The following WWC1 variants were observed in gnomAD, a reference collection of about 807,000 sequenced individuals.
The protein encoded by WWC1 is WW and C2 domain containing 1.
A neutral mutation model predicts 138.4 loss-of-function variants in WWC1; 55 were observed. The ratio of observed to expected loss-of-function variants is 0.40; its 90% CI spans 0.32 to 0.50. The LOEUF is 0.50. Among genes scored for constraint, WWC1 ranks in the 20% least tolerant of loss-of-function variants. The probability of loss-of-function intolerance (pLI) is 0.72; values close to 1 mark genes in which losing one functional copy is unlikely to be tolerated. For missense variants in WWC1, 1,226 were observed against 1,420.4 expected, an observed-to-expected ratio of 0.86 and a Z score of 2.20; for synonymous variants, 524 against 564.9, an observed-to-expected ratio of 0.93 and a Z score of 1.03.
In WWC1 at chr5:168,423,514, T is replaced by G; in HGVS notation, c.1275-19T>G. The G allele has an allele frequency of 6.3e-7, 1 of 1,596,554 alleles. No homozygotes were observed. The highest frequency in any genetic ancestry group is 2.2e-5 in the East Asian group (1 of 44,816). Reference sequence around the variant, plus strand: ...TTCACTGTGTGCATCTCACTGTCCTTCCCCTCCCTGTGTCCCAGTCTCTCA... The same window carrying G: ...TTCACTGTGTGCATCTCACTGTCCTGCCCCTCCCTGTGTCCCAGTCTCTCA... On this transcript the variant is annotated intron_variant, in intron 10 of 22. Transcript: ENST00000265293.
intron 18 of WWC1, among the ~76,000 whole-genome samples, chr5:168,454,328 A>G (rs1756107215): frequency 6.6e-6 from 1 of 152,184 alleles, no homozygotes; most frequent in African/African-American, 2.4e-5. Context: ...TTCTCTGGAC[A>G]TAACTCAAGC....
chr5:168,398,620 CA>C (rs1779087997), intron 4 of WWC1, among the ~76,000 whole-genome samples: 1 of 152,044 alleles, frequency 6.6e-6, no homozygotes, highest in South Asian at 2.1e-4. Flanking sequence ...TGAGGCACAG[CA>C]GTGAAATTAC....
intron 15 of WWC1, among the ~76,000 whole-genome samples, chr5:168,432,419 A>G (rs1311602530): frequency 6.6e-6 from 1 of 152,234 alleles, no homozygotes; most frequent in Non-Finnish European, 1.5e-5. Flanking sequence ...CCTAAGAGAC[A>G]GGCAGACCCA....
chr5:168,419,262 G>A (rs1780896179), intron 9 of WWC1, among the ~76,000 whole-genome samples: 1 of 152,172 alleles, frequency 6.6e-6, no homozygotes, highest in African/African-American at 2.4e-5. Flanking sequence ...TCTTCAGCAG[G>A]TTGACATGAG....
rs749771835 is a variant in WWC1 at position 168,406,296 on chromosome 5, G to T, written c.689G>T (p.Cys230Phe). ...ETKAIKKAIT[C>F]GEKEKQDLIK... ...AAAGCCATCAAAAAGGCTATTACCT[G>T]TGGGGAAAAGGAAAAGCAAGATCTC... Residue 230 changes from cysteine to phenylalanine, a missense_variant, in exon 6 of 23, where the codon TGT becomes TTT. Around this residue, in one of 3 missense-constraint regions of WWC1, gnomAD observed 1,016 missense variants for 1,153.9 expected, o/e 0.88. Transcript: ENST00000265293. 1.7e-5 allele frequency: 27 copies of T among 1,613,982 alleles called. No individual in the cohort carries two copies. Among genetic ancestry groups the T allele is most frequent in the Non-Finnish European group, 2.1e-5 (25 of 1,179,964 alleles).
chr5:168,364,819 A>C (rs1289615826), intron 1 of WWC1, among the ~76,000 whole-genome samples: 1 of 152,162 alleles, frequency 6.6e-6, no homozygotes, highest in Admixed American at 6.5e-5. Context: ...TCACCTGAAT[A>C]GCATGGATCT....
At chr5:168,373,515 GC>G (rs939692038) in intron 2 of WWC1, among the ~76,000 whole-genome samples, 1 of 151,980 alleles carries the variant, frequency 6.6e-6, no homozygotes, top group Non-Finnish European at 1.5e-5. Context: ...GAGCACCAAG[GC>G]CCAGGCATTC....
intron 1 of WWC1, among the ~76,000 whole-genome samples, chr5:168,345,295 GGGTTT>G (rs1774375562): frequency 2.6e-5 from 4 of 152,144 alleles, no homozygotes; most frequent in African/African-American, 9.7e-5. Context: ...AATAGAGACA[GGGTTT>G]TGCCATATTG....
At chr5:168,333,610 A>G (rs1287921379) in intron 1 of WWC1, among the ~76,000 whole-genome samples, 1 of 152,156 alleles carries the variant, frequency 6.6e-6, no homozygotes, top group African/African-American at 2.4e-5. Flanking sequence ...TCTGTCCAGA[A>G]ACACTGAGCT....
chr5:168,347,560 T>C, intron 1 of WWC1, among the ~76,000 whole-genome samples: 1 of 152,246 alleles, frequency 6.6e-6, no homozygotes, highest in East Asian at 1.9e-4. Context: ...AAAGCAGAAC[T>C]GAAACCCTGT....
chr5:168,367,313 C>A (rs925025876), intron 1 of WWC1, among the ~76,000 whole-genome samples: 1 of 152,050 alleles, frequency 6.6e-6, no homozygotes, highest in Non-Finnish European at 1.5e-5. Flanking sequence ...ACTCACCCTT[C>A]GTCTTGTTAT....
At chr5:168,456,596 C>T (rs4976557) in intron 19 of WWC1, among the ~76,000 whole-genome samples, 46,955 of 152,090 alleles carry the variant, frequency 0.31, 8,437 homozygotes, top group Middle Eastern at 0.44. Flanking sequence ...TACCATCGCA[C>T]TCCAGCCTGG....
At position 168,441,687 on chromosome 5, in the gene WWC1, C is replaced by A. The variant is rs149891366; in HGVS notation, c.2286C>A (p.Gly762=). 6.2e-7 allele frequency: 1 copy of A among 1,613,700 alleles called. No homozygotes were observed. The highest frequency in any genetic ancestry group is 2.2e-5 in the East Asian group (1 of 44,868). Residue 762 remains glycine, a synonymous_variant, in exon 16 of 23, where the codon GGC becomes GGA. Coordinates refer to ENST00000265293, the MANE Select transcript of WWC1 (RefSeq NM_015238.3). Reference sequence around the variant, plus strand: ...CTTGTTTCCATCCCCAACAGGGAGGCGCCCAGATCAGCCTGGCGGAGGTCT... The same window carrying A: ...CTTGTTTCCATCCCCAACAGGGAGGAGCCCAGATCAGCCTGGCGGAGGTCT... ...DRSHLEECLG[G]AQISLAEVCR... is the part of the protein sequence containing the mutation.
intron 5 of WWC1, among the ~76,000 whole-genome samples, chr5:168,400,377 A>G (rs1460186105): frequency 6.6e-6 from 1 of 151,952 alleles, no homozygotes; most frequent in Non-Finnish European, 1.5e-5. Context: ...TTTCCCCTCT[A>G]TGTGTCCATG....
chr5:168,293,040 G>C (rs1769206364), intron 1 of WWC1, among the ~76,000 whole-genome samples: 1 of 152,172 alleles, frequency 6.6e-6, no homozygotes, highest in Admixed American at 6.5e-5. Context: ...GGGCGGCGAG[G>C]CTCCTCAGCC....
chr5:168,464,974 C>T lies in WWC1; in HGVS notation c.3150+12C>T, dbSNP rs778748712. 2 of 1,612,934 alleles carry T rather than the reference C, an allele frequency of 1.2e-6. No homozygotes were observed. Among genetic ancestry groups the T allele is most frequent in the South Asian group, 1.1e-5 (1 of 91,012 alleles). The stretch of plus-strand genomic sequence containing the variant: ...TGCTGGAGAAGCGGGTGAGTTCTGC[C>T]TCGAAGGCAGGGGAGCCCTGCGCTC... On this transcript the variant is annotated intron_variant, in intron 21 of 22. Coordinates refer to ENST00000265293, the MANE Select transcript of WWC1 (RefSeq NM_015238.3).
At chr5:168,401,035 GGAGA>G in intron 5 of WWC1, among the ~76,000 whole-genome samples, 1 of 151,394 alleles carries the variant, frequency 6.6e-6, no homozygotes, top group Non-Finnish European at 1.5e-5. Flanking sequence ...AGAAAGAGAA[GGAGA>G]GAGAGAGAAA....
chr5:168,467,262 C>T (rs2152897790), intron 21 of WWC1, among the ~76,000 whole-genome samples: 1 of 152,264 alleles, frequency 6.6e-6, no homozygotes, highest in South Asian at 2.1e-4. Context: ...CGTCTCAAAA[C>T]AAACAAACAA....
chr5:168,468,442 C>T (rs138775256), intron 22 of WWC1, among the ~76,000 whole-genome samples: 101 of 150,570 alleles, frequency 6.7e-4, no homozygotes, highest in African/African-American at 2.3e-3. Context: ...GAGGCCCTAG[C>T]GTTTAGACTT....
Sources: allele counts gnomAD v4.1 joint callset (sites outside exome capture counted in the v4.1 genomes callset), GRCh38; gene constraint gnomAD v4.1.1; regional missense constraint gnomAD v4.1.1; transcripts MANE v1.5; gene names NCBI Gene and HGNC (gene_info 2026-07-23, HGNC 2026-07-21).